Variants in ZDHHC7 observed in about 807,000 individuals in gnomAD.
ZDHHC7 encodes the protein zDHHC palmitoyltransferase 7, also known as palmitoyltransferase ZDHHC7.
A neutral mutation model predicts 34.1 loss-of-function variants in ZDHHC7; 12 were observed. The ratio of observed to expected loss-of-function variants is 0.35; its 90% confidence interval spans 0.23 to 0.57. The LOEUF (loss-of-function observed/expected upper bound fraction) is 0.57. ZDHHC7 is among the 20% of genes least tolerant of loss of function. The probability of loss-of-function intolerance (pLI) is 0.84; values close to 1 mark genes in which losing one functional copy is unlikely to be tolerated. For synonymous variants in ZDHHC7, 185 were observed against 155.4 expected (o/e 1.19, Z -1.42); for missense variants, 388 against 402.7 (o/e 0.96, Z 0.31).
the ZDHHC7 span, among the ~76,000 whole-genome samples, chr16:85,019,929 C>T: frequency 6.6e-6 from 1 of 152,250 alleles, no homozygotes; most frequent in Middle Eastern, 3.4e-3. Flanking sequence ...TATACCCCCT[C>T]GTAGACTCAC....
rs1446892780 is a variant in ZDHHC7 at position 84,977,154 on chromosome 16, A to G, written c.691T>C (p.Phe231Leu). The change falls in exon 7 of 8, where the codon TTC becomes CTC. Residue 231 changes from phenylalanine to leucine, a missense_variant. By Grantham distance (22) the Phe-to-Leu change is conservative (BLOSUM62 0). Transcript: ENST00000313732. ...IFLCLEGLLF[F>L]TFTAVMFGTQ... is the part of the protein sequence containing the mutation. ...CCAAACATAACTGCAGTGAAAGTGA[A>G]AAACAGAAGACCCTCAAGGCACAGG... is the stretch of plus-strand genomic sequence containing the variant. 1.9e-6 allele frequency: 3 copies of G among 1,614,126 alleles called. No homozygotes were observed. The highest frequency in any genetic ancestry group is 2.5e-6 in the Non-Finnish European group (3 of 1,180,058).
At chr16:85,000,726 G>A (rs548086760) in intron 1 of ZDHHC7, among the ~76,000 whole-genome samples, 1 of 152,246 alleles carries the variant, frequency 6.6e-6, no homozygotes, top group South Asian at 2.1e-4. Context: ...CAAACATCAG[G>A]CTGGGGAGTT....
the ZDHHC7 span, among the ~76,000 whole-genome samples, chr16:85,019,374 C>A: frequency 6.6e-6 from 1 of 152,126 alleles, no homozygotes; most frequent in Non-Finnish European, 1.5e-5. Context: ...ATGTGAATAG[C>A]CACTGCATGC....
At chr16:84,977,405 C>A in intron 6 of ZDHHC7, 180 bp from the exon 7 acceptor site, 1 of 696,062 alleles carries the variant, frequency 1.4e-6, no homozygotes, top group Non-Finnish European at 2.3e-6. Flanking sequence ...CCCTTCCAAG[C>A]AAAAATTCAT....
chr16:85,018,604 C>T, the ZDHHC7 span, among the ~76,000 whole-genome samples: 3 of 152,072 alleles, frequency 2.0e-5, no homozygotes, highest in African/African-American at 4.8e-5. Flanking sequence ...AGTGCCACCA[C>T]GCCCGGCTCA....
At chr16:85,001,406 G>T (rs1418104903) in intron 1 of ZDHHC7, among the ~76,000 whole-genome samples, 4 of 144,896 alleles carry the variant, frequency 2.8e-5, no homozygotes, top group African/African-American at 1.1e-4. Flanking sequence ...TGGAGGCTGA[G>T]GTTGCAGTGG....
In ZDHHC7 at chr16:84,988,877, C is replaced by A. The variant is rs1336679231; in HGVS notation, c.315+1427G>T. ...GTCGGCAGTCACTGGATTTTTCCTA[C>A]AAGGCAATATTCCAGTAAAAATCGC... On this transcript the variant is annotated intron_variant, in intron 3 of 7. Coordinates refer to ENST00000313732, the MANE Select transcript of ZDHHC7 (RefSeq NM_017740.3). 35 of 1,551,626 alleles carry A rather than the reference C, an allele frequency of 2.3e-5. No homozygotes were observed. In the East Asian group the frequency reaches 8.3e-4, roughly 37 times the overall value.
intron 1 of ZDHHC7, among the ~76,000 whole-genome samples, chr16:84,999,469 C>T (rs1006733123): frequency 1.3e-5 from 2 of 152,102 alleles, no homozygotes; most frequent in Non-Finnish European, 2.9e-5. Context: ...ACAACCCAAA[C>T]CCGTCAACAG....
chr16:84,979,622 AAAAAACAAAAACTGAAAT>A (rs1389661191), intron 4 of ZDHHC7, among the ~76,000 whole-genome samples: 1 of 152,124 alleles, frequency 6.6e-6, no homozygotes, highest in Non-Finnish European at 1.5e-5. Context: ...CTATTTCAAT[AAAAAACAAAAACTGAAAT>A]TTTACCCTCA....
intron 1 of ZDHHC7, among the ~76,000 whole-genome samples, chr16:85,004,224 C>A (rs956448652): frequency 1.3e-5 from 2 of 151,956 alleles, no homozygotes; most frequent in Non-Finnish European, 2.9e-5. Context: ...TCATGTATCT[C>A]ATTCCCCACC....
At chr16:84,996,481 G>C (rs1020687966) in intron 1 of ZDHHC7, among the ~76,000 whole-genome samples, 1 of 152,066 alleles carries the variant, frequency 6.6e-6, no homozygotes, top group Non-Finnish European at 1.5e-5. Flanking sequence ...ACCCAGTGAG[G>C]GCCACTCAAT....
chr16:85,024,387 A>G, the ZDHHC7 span, among the ~76,000 whole-genome samples: 1 of 149,818 alleles, frequency 6.7e-6, no homozygotes, highest in South Asian at 2.1e-4. Context: ...ACGCGCCACC[A>G]TGCCCAGCTA....
At chr16:85,015,987 A>T (rs1167798811), upstream of ZDHHC7, among the ~76,000 whole-genome samples, 16 of 152,100 alleles carry the variant, frequency 1.1e-4, no homozygotes, top group Admixed American at 1.0e-3. Flanking sequence ...CTCTGTTTCA[A>T]TGTTAGTTCT....
upstream of ZDHHC7, among the ~76,000 whole-genome samples, chr16:85,015,011 A>C (rs886330581): frequency 6.6e-6 from 1 of 152,092 alleles, no homozygotes; most frequent in Admixed American, 6.6e-5. Flanking sequence ...ACCTGGAGCC[A>C]ATAGAAAGGA....
rs375285909 is a variant in ZDHHC7, at chr16:85,009,854, G to A, written c.-104+1432C>T. Among the ~76,000 whole-genome samples, 30 of 151,508 alleles carry A rather than the reference G, an allele frequency of 2.0e-4. No individual in the cohort carries two copies. The East Asian group carries it at 5.1e-3, about 26-fold the overall frequency. The stretch of plus-strand genomic sequence containing the variant: ...CTCCCGAGTAGCTGGGACTACAGGC[G>A]CCCACCACCATGCCCAGCTAATTTT... On this transcript the variant is annotated intron_variant, in intron 1 of 7. Transcript: ENST00000313732.
At chr16:84,994,000 T>G (rs750748864) in intron 2 of ZDHHC7, among the ~76,000 whole-genome samples, 1 of 152,198 alleles carries the variant, frequency 6.6e-6, no homozygotes, top group Admixed American at 6.5e-5. Context: ...GCACTACTAG[T>G]AAAGCCTGAC....
At chr16:84,976,623 G>A in intron 7 of ZDHHC7, 104 bp from the exon 8 acceptor site, 1 of 1,427,364 alleles carries the variant, frequency 7.0e-7, no homozygotes, top group Admixed American at 2.6e-5. Flanking sequence ...GGGCTCGATG[G>A]AGGGTAGGTG....
the ZDHHC7 span, among the ~76,000 whole-genome samples, chr16:85,019,772 T>G: frequency 1.3e-5 from 2 of 152,282 alleles, no homozygotes; most frequent in African/African-American, 4.8e-5. Flanking sequence ...AGATCTGCAC[T>G]GAATGAATGA....
At chr16:85,017,597 A>G in the ZDHHC7 span, among the ~76,000 whole-genome samples, 21 of 152,212 alleles carry the variant, frequency 1.4e-4, no homozygotes, top group Non-Finnish European at 8.8e-5. Context: ...TATTTGTGCA[A>G]TGAAATACTG....
Sources: gnomAD v4.1 joint callset for allele counts (sites outside exome capture counted in the v4.1 genomes callset) on GRCh38, gnomAD v4.1.1 for gene constraint, MANE v1.5 for transcripts, NCBI Gene and HGNC (gene_info 2026-07-23, HGNC 2026-07-21) for gene names.